Variants in HPCAL1 observed in about 807,000 individuals in gnomAD.
HPCAL1 encodes hippocalcin like 1.
A neutral mutation model predicts 17.1 loss-of-function variants in HPCAL1; 8 were observed. The observed-to-expected ratio is 0.47, with a 90% confidence interval of 0.27 to 0.84. HPCAL1 has a LOEUF of 0.84. Among genes scored for constraint, HPCAL1 ranks in the 40% least tolerant of loss-of-function variants. HPCAL1 has a pLI of 0.13. For missense variants in HPCAL1, 165 were observed against 271.1 expected, an observed-to-expected ratio of 0.61 and a Z score of 2.75; for synonymous variants, 112 against 111.4, an observed-to-expected ratio of 1.01 and a Z score of -0.03.
intron 2 of HPCAL1, among the ~76,000 whole-genome samples, chr2:10,414,752 A>G (rs1168974540): frequency 6.6e-6 from 1 of 152,048 alleles, no homozygotes; most frequent in Admixed American, 6.6e-5. Context: ...CATCCCCTTA[A>G]ACCACACACG....
chr2:10,421,483 G>C (rs905875211), intron 3 of HPCAL1, among the ~76,000 whole-genome samples: 1 of 152,094 alleles, frequency 6.6e-6, no homozygotes, highest in African/African-American at 2.4e-5. Flanking sequence ...GGAGGATCGC[G>C]TGAGCCCGGG....
chr2:10,321,231 C>T (rs1018658551), intron 1 of HPCAL1, among the ~76,000 whole-genome samples: 1 of 152,122 alleles, frequency 6.6e-6, no homozygotes, highest in African/African-American at 2.4e-5. Flanking sequence ...CACTTTTAAA[C>T]AACCAGATCT....
intron 2 of HPCAL1, among the ~76,000 whole-genome samples, chr2:10,412,578 G>A (rs775400662): frequency 2.6e-5 from 4 of 152,248 alleles, no homozygotes; most frequent in Non-Finnish European, 5.9e-5. Context: ...TGGCCAGAGT[G>A]TAGTCACATG....
intron 1 of HPCAL1, among the ~76,000 whole-genome samples, chr2:10,341,509 G>T (rs573257860): frequency 1.5e-4 from 23 of 151,862 alleles, no homozygotes; most frequent in Non-Finnish European, 2.4e-4. Context: ...GGTACTGAGG[G>T]CCTTCTTTAT....
At chr2:10,381,567 C>T (rs560295745) in intron 1 of HPCAL1, among the ~76,000 whole-genome samples, 35 of 152,326 alleles carry the variant, frequency 2.3e-4, no homozygotes, top group African/African-American at 8.4e-4. Context: ...CCCTTTATAT[C>T]ACCTCCTGCC....
At chr2:10,375,799 C>G (rs1667519053) in intron 1 of HPCAL1, among the ~76,000 whole-genome samples, 1 of 152,220 alleles carries the variant, frequency 6.6e-6, no homozygotes, top group African/African-American at 2.4e-5. Flanking sequence ...CAGGTGCTGG[C>G]TCCCTTACGG....
chr2:10,389,161 G>A (rs533323572), intron 1 of HPCAL1, among the ~76,000 whole-genome samples: 1 of 152,270 alleles, frequency 6.6e-6, no homozygotes, highest in Non-Finnish European at 1.5e-5. Flanking sequence ...GGAAGTTACG[G>A]CTCCTTTCCG....
At chr2:10,402,630 C>T (rs1218531346) in intron 2 of HPCAL1, among the ~76,000 whole-genome samples, 2 of 152,144 alleles carry the variant, frequency 1.3e-5, no homozygotes, top group Non-Finnish European at 2.9e-5. Flanking sequence ...GGGCTGAGGC[C>T]ATTTTATTAA....
rs1376195113 is a variant in HPCAL1 at position 10,330,447 on chromosome 2, C to G, written c.-111+27270C>G. On this transcript the variant is annotated intron_variant, in intron 1 of 4. Transcript: ENST00000307845. This position sits in a 1 kb window ranked among gnomAD's most constrained non-coding sequence, Gnocchi z 4.2. ...CAGCTCTGGCTGCTGGAAACGGGGT[C>G]ATAGTCTGGGTGCCTTAAACAACAG... is the stretch of plus-strand genomic sequence containing the variant. Among the ~76,000 whole-genome samples the G allele has an allele frequency of 1.3e-5, 2 of 152,064 alleles. No homozygotes were observed. The highest frequency in any genetic ancestry group is 2.4e-5 in the African/African-American group (1 of 41,378).
intron 1 of HPCAL1, among the ~76,000 whole-genome samples, chr2:10,316,739 TA>T (rs1663339492): frequency 6.6e-6 from 1 of 152,230 alleles, no homozygotes; most frequent in South Asian, 2.1e-4. Context: ...CACATCACTG[TA>T]AAATCCGAGA....
At chr2:10,313,858 C>T (rs1450131961) in intron 1 of HPCAL1, among the ~76,000 whole-genome samples, 2 of 152,188 alleles carry the variant, frequency 1.3e-5, no homozygotes, top group Non-Finnish European at 2.9e-5. Context: ...TTGGGCCGGG[C>T]GTGGTGGCTC....
At chr2:10,414,078 C>T (rs73914078) in intron 2 of HPCAL1, among the ~76,000 whole-genome samples, 1,830 of 152,342 alleles carry the variant, frequency 0.012, 43 homozygotes, top group African/African-American at 0.041. Flanking sequence ...TCAGAGGTTC[C>T]GGGGCTCTCC....
rs1666943391 is a variant in HPCAL1 at position 10,367,877 on chromosome 2, G to A, written c.-110-28958G>A. ...TGTGACCCTTACCCTGCCTGCCCTG[G>A]GACTGTGTGCCTGTGTGCTTGCATG... On this transcript the variant is annotated intron_variant, in intron 1 of 4. Transcript: ENST00000307845. This position sits in a 1 kb window ranked among gnomAD's most constrained non-coding sequence, Gnocchi z 4.4. Among the ~76,000 whole-genome samples, 1 of 152,156 alleles carries A rather than the reference G, an allele frequency of 6.6e-6. No individual in the cohort carries two copies. The highest frequency in any genetic ancestry group is 2.1e-4 in the South Asian group (1 of 4,830).
intron 1 of HPCAL1, among the ~76,000 whole-genome samples, chr2:10,338,794 T>G (rs1558469146): frequency 6.6e-6 from 1 of 152,130 alleles, no homozygotes; most frequent in Non-Finnish European, 1.5e-5. Context: ...TGGCGTCGCC[T>G]CCACTTGATA....
At chr2:10,316,149 G>T (rs542689842) in intron 1 of HPCAL1, among the ~76,000 whole-genome samples, 119 of 152,266 alleles carry the variant, frequency 7.8e-4, no homozygotes, top group African/African-American at 2.7e-3. Flanking sequence ...GACCTGGAAG[G>T]AGCCATCTCG....
chr2:10,364,006 G>C (rs1259501180), intron 1 of HPCAL1, among the ~76,000 whole-genome samples: 1 of 152,246 alleles, frequency 6.6e-6, no homozygotes, highest in African/African-American at 2.4e-5. Flanking sequence ...GAAGGGCACT[G>C]GTCCCAGCTT....
chr2:10,380,296 C>T (rs1667856260), intron 1 of HPCAL1, among the ~76,000 whole-genome samples: 1 of 152,140 alleles, frequency 6.6e-6, no homozygotes, highest in East Asian at 1.9e-4. Flanking sequence ...ATGTATGTCC[C>T]CTGGGCTCAG....
At chr2:10,341,661 G>A (rs142031488) in intron 1 of HPCAL1, among the ~76,000 whole-genome samples, 315 of 152,228 alleles carry the variant, frequency 2.1e-3, no homozygotes, top group African/African-American at 6.8e-3. Context: ...TCTAAAGTGG[G>A]GAGGGATTCC....
intron 2 of HPCAL1, among the ~76,000 whole-genome samples, chr2:10,406,009 C>T (rs1473245468): frequency 1.3e-5 from 2 of 152,156 alleles, no homozygotes; most frequent in African/African-American, 2.4e-5. Context: ...TTCTATGGAG[C>T]ATTACCGGGT....
Sources: gnomAD v4.1 joint callset for allele counts (sites outside exome capture counted in the v4.1 genomes callset) on GRCh38, gnomAD v4.1.1 for gene constraint, Gnocchi (gnomAD v3.1) non-coding constraint, MANE v1.5 for transcripts, NCBI Gene and HGNC (gene_info 2026-07-23, HGNC 2026-07-21) for gene names.